TAOK2: variants seen among roughly 807,000 people sequenced by gnomAD.
TAOK2 encodes the protein serine/threonine-protein kinase TAO2.
A neutral mutation model predicts 122.5 loss-of-function variants in TAOK2; 42 were observed. That is an observed-to-expected ratio of 0.34 (90% CI 0.27 to 0.44). TAOK2 has a LOEUF of 0.44. TAOK2 is among the 20% of genes least tolerant of loss of function. TAOK2 has a pLI of 1.00. For missense variants in TAOK2, 1,264 were observed against 1,644.9 expected (o/e 0.77, Z 4.01); for synonymous variants, 704 against 677.6 (o/e 1.04, Z -0.61).
In TAOK2 at chr16:29,979,642, G is replaced by C; in HGVS notation, c.655+134G>C. 3 of 700,018 alleles carry C rather than the reference G, an allele frequency of 4.3e-6. No individual in the cohort carries two copies. In the South Asian group the frequency reaches 7.2e-5, roughly 17 times the overall value. 43.4% of individuals were successfully genotyped at this position (700,018 alleles called of 1,614,324 possible). A position where few individuals can be genotyped will look rare whatever the true frequency, so the allele number is the denominator to read the frequency against. The stretch of plus-strand genomic sequence containing the variant: ...TCCTGTCCGTTGTGACTCTACCCTG[G>C]AGCCCAATACAGGCAGCTGGCAAAT... On this transcript the variant is annotated intron_variant, in intron 8 of 15. Transcript: ENST00000308893. This position sits in a 1 kb window ranked among gnomAD's most constrained non-coding sequence, Gnocchi z 4.1.
At position 29,978,924 on chromosome 16, in the gene TAOK2, C is replaced by T. The variant is rs1299751006; in HGVS notation, c.353-50C>T. On this transcript the variant is annotated intron_variant, in intron 5 of 15. Transcript: ENST00000308893. Reference sequence around the variant, plus strand: ...GGGAAGGGTTAAGGGGAGTTTATTCCAGTCCCACCCTTGCGCTCCCTCGGG... The same window carrying T: ...GGGAAGGGTTAAGGGGAGTTTATTCTAGTCCCACCCTTGCGCTCCCTCGGG... The T allele has an allele frequency of 2.5e-6, 4 of 1,613,358 alleles. No individual in the cohort carries two copies. In the East Asian group the frequency reaches 8.9e-5, roughly 36 times the overall value.
In TAOK2 at chr16:29,983,147, A is replaced by G. The variant is rs1018529386; in HGVS notation, c.1075A>G (p.Ile359Val). 3 of 1,614,110 alleles carry G rather than the reference A, an allele frequency of 1.9e-6. No homozygotes were observed. The highest frequency in any genetic ancestry group is 8.5e-7 in the Non-Finnish European group (1 of 1,179,994). The change falls in exon 12 of 16, where the codon ATC becomes GTC. Residue 359 changes from isoleucine to valine, a missense_variant. Physicochemically the swap from Ile to Val is conservative, Grantham distance 29 (BLOSUM62 3). Coordinates refer to ENST00000308893, the MANE Select transcript of TAOK2 (RefSeq NM_016151.4). The part of the protein sequence containing the change: ...ESSHSVPSMS[I>V]SASSQSSSVN... ...TAGCCACTCAGTGCCCAGCATGTCCATCAGCGCCTCCAGCCAGAGCAGCTC... is the reference window on the plus strand; with the variant it reads ...TAGCCACTCAGTGCCCAGCATGTCCGTCAGCGCCTCCAGCCAGAGCAGCTC...
intron 10 of TAOK2, among the ~76,000 whole-genome samples, chr16:29,982,398 C>T (rs2069645749): frequency 6.6e-6 from 1 of 152,186 alleles, no homozygotes; most frequent in Non-Finnish European, 1.5e-5. Context: ...TAGTTGGACC[C>T]ACTTGTTTTA....
Position 29,985,278 on chromosome 16 carries a change from G to A in TAOK2, c.1488G>A (p.Lys496=), listed in dbSNP as rs1417870696. The change falls in exon 14 of 16, where the codon AAG becomes AAA. Residue 496 remains lysine, a synonymous_variant. Coordinates refer to ENST00000308893, the MANE Select transcript of TAOK2 (RefSeq NM_016151.4). This position sits in a 1 kb window ranked among gnomAD's most constrained non-coding sequence, Gnocchi z 6.9. ...SALREQLSGY[K]RMRRQHQKQL... Reference sequence around the variant, plus strand: ...TGCGGGAGCAGCTGAGCGGCTATAAGCGGATGCGACGACAGCACCAGAAGC... The same window carrying A: ...TGCGGGAGCAGCTGAGCGGCTATAAACGGATGCGACGACAGCACCAGAAGC... 1 of 1,591,968 alleles carries A rather than the reference G, an allele frequency of 6.3e-7. No homozygotes were observed. The highest frequency in any genetic ancestry group is 8.6e-7 in the Non-Finnish European group (1 of 1,167,826).
chr16:29,978,621 G>C (rs902548636), intron 4 of TAOK2, among the ~76,000 whole-genome samples, 178 bp from the exon 5 acceptor site: 2 of 152,080 alleles, frequency 1.3e-5, no homozygotes, highest in African/African-American at 4.8e-5. Context: ...GATGGGCAGT[G>C]GTGAATGTCT....
chr16:29,986,968 C>T lies in TAOK2; in HGVS notation c.2696C>T (p.Pro899Leu), dbSNP rs573977459. 6 of 1,613,666 alleles carry T rather than the reference C, an allele frequency of 3.7e-6. No homozygotes were observed. In the South Asian group the frequency reaches 4.4e-5, roughly 12 times the overall value. Reference sequence around the variant, plus strand: ...CAGGGCCCAGCACTGACTCCCGTCCCTGAGGAGGAGGAAGAAGAGGAAGAG... The same window carrying T: ...CAGGGCCCAGCACTGACTCCCGTCCTTGAGGAGGAGGAAGAAGAGGAAGAG... ...WVQGPALTPVPEEEEEEEEGA... is the reference protein window; with the variant it reads ...WVQGPALTPVLEEEEEEEEGA... Residue 899 changes from proline to leucine, a missense_variant, in exon 16 of 16, where the codon CCT (proline) becomes CTT (leucine). Physicochemically the swap from Pro to Leu is moderately conservative, Grantham distance 98. Around this residue, in one of 4 missense-constraint regions of TAOK2, gnomAD observed 824 missense variants for 908.7 expected, o/e 0.91. Coordinates refer to ENST00000308893, the MANE Select transcript of TAOK2 (RefSeq NM_016151.4). This position sits in a 1 kb window ranked among gnomAD's most constrained non-coding sequence, Gnocchi z 4.2.
chr16:29,990,864 T>C, downstream of TAOK2: 1 of 1,613,552 alleles, frequency 6.2e-7, no homozygotes, highest in Non-Finnish European at 8.5e-7. Context: ...TGCTCAACGC[T>C]TACCAGAGCA....
At chr16:29,989,702 A>T (rs201912253), downstream of TAOK2, 2 of 1,613,994 alleles carry the variant, frequency 1.2e-6, no homozygotes, top group Admixed American at 1.7e-5. Context: ...AAAGCTCAGC[A>T]CAAGAGCCTC....
chr16:29,985,673 C>T lies in TAOK2; in HGVS notation c.1804C>T (p.Pro602Ser). ...ACTCGCCCAGGAGCTCCAGGAGAAC[C>T]CCAGCACTCCCAAGCGGGAGAAGGC... ...EQLKEELQEN[P>S]STPKREKAEW... Residue 602 changes from proline to serine, a missense_variant, in exon 15 of 16, where the codon CCC becomes TCC. Pro to Ser is a moderately conservative substitution (Grantham distance 74). Around this residue, in one of 4 missense-constraint regions of TAOK2, gnomAD observed 824 missense variants for 908.7 expected, o/e 0.91. Coordinates refer to ENST00000308893, the MANE Select transcript of TAOK2 (RefSeq NM_016151.4). The surrounding 1 kb of genome is among the most constrained non-coding windows in gnomAD (Gnocchi z 6.9). 6.2e-7 allele frequency: 1 copy of T among 1,609,088 alleles called. No homozygotes were observed. Among genetic ancestry groups the T allele is most frequent in the South Asian group, 1.1e-5 (1 of 90,454 alleles).
chr16:29,982,283 T>C (rs1053085395), intron 10 of TAOK2, among the ~76,000 whole-genome samples: 2 of 152,196 alleles, frequency 1.3e-5, no homozygotes, highest in African/African-American at 4.8e-5. Context: ...GGTAAATGTA[T>C]GATTTCCCTT....
chr16:29,985,535 C>T lies in TAOK2; in HGVS notation c.1745C>T (p.Ala582Val), dbSNP rs777448049. Residue 582 changes from alanine (A) to valine (V), a missense_variant, in exon 14 of 16, where the codon GCA becomes GTA. This residue lies in a region of TAOK2 where 824 missense variants were observed against 908.7 expected (regional missense o/e 0.91). Coordinates refer to ENST00000308893, the MANE Select transcript of TAOK2 (RefSeq NM_016151.4). This position sits in a 1 kb window ranked among gnomAD's most constrained non-coding sequence, Gnocchi z 6.9. ...QKKELAALLE[A>V]QKRTYKLRKE... The stretch of plus-strand genomic sequence containing the variant: ...AAGGAGCTGGCTGCCCTGCTGGAGG[C>T]ACAGAAGCGGACCTACAAACTTCGC... 2 of 1,606,988 alleles carry T rather than the reference C, an allele frequency of 1.2e-6. No homozygotes were observed. Among genetic ancestry groups the T allele is most frequent in the East Asian group, 2.2e-5 (1 of 44,790 alleles).
chr16:29,989,394 T>G, downstream of TAOK2: 3 of 985,250 alleles, frequency 3.0e-6, no homozygotes, highest in Non-Finnish European at 2.4e-6. Context: ...CATGTCTGTC[T>G]GTCTGTATAC....
At chr16:29,983,799 T>C in intron 13 of TAOK2, 135 bp downstream of exon 13, 2 of 1,342,056 alleles carry the variant, frequency 1.5e-6, no homozygotes, top group Non-Finnish European at 2.0e-6. Context: ...GGCTCCTGCC[T>C]GCTCCCCTTA....
intron 1 of TAOK2, among the ~76,000 whole-genome samples, chr16:29,976,211 T>G (rs1256699246): frequency 6.6e-6 from 1 of 152,126 alleles, no homozygotes. Context: ...AGCACCTGCC[T>G]TTGTGTGTGG....
Position 29,978,782 on chromosome 16 carries a change from C to T in TAOK2, c.307-17C>T. 4 of 1,614,000 alleles carry T rather than the reference C, an allele frequency of 2.5e-6. No homozygotes were observed. Among genetic ancestry groups the T allele is most frequent in the Non-Finnish European group, 3.4e-6 (4 of 1,179,970 alleles). ...TGCCCAGGAGACTCTGATCTCTGAC[C>T]CTTGTCTCTTCCTTAGCTGGTAATG... is the stretch of plus-strand genomic sequence containing the variant. On this transcript the variant is annotated splice_polypyrimidine_tract_variant and intron_variant, in intron 4 of 15. Coordinates refer to ENST00000308893, the MANE Select transcript of TAOK2 (RefSeq NM_016151.4).
rs939886346 is a variant in TAOK2, at chr16:29,978,173, C to T, written c.204+13C>T. ...GCAGTCCAATGAGGTGGGCCAGGTG[C>T]AATACAGCCAGGTTGGGGACAGGGG... is the stretch of plus-strand genomic sequence containing the variant. On this transcript the variant is annotated intron_variant, in intron 3 of 15. Transcript: ENST00000308893. The T allele has an allele frequency of 1.2e-6, 2 of 1,614,076 alleles. No homozygotes were observed. Among genetic ancestry groups the T allele is most frequent in the Admixed American group, 1.7e-5 (1 of 60,014 alleles).
chr16:29,975,799 G>A (rs1297018721), intron 1 of TAOK2, among the ~76,000 whole-genome samples: 1 of 152,180 alleles, frequency 6.6e-6, no homozygotes, highest in African/African-American at 2.4e-5. Flanking sequence ...AAATCCATAT[G>A]CTGAGTGTCT....
chr16:29,985,908 A>G lies in TAOK2; in HGVS notation c.1992+47A>G. The G allele has an allele frequency of 6.3e-7, 1 of 1,577,656 alleles. No individual in the cohort carries two copies. Reference sequence around the variant, plus strand: ...CCCCTCCCGCTCACTCGTGGATCCCAGGGACCCACCCTTTTCCATTTTCCT... The same window carrying G: ...CCCCTCCCGCTCACTCGTGGATCCCGGGGACCCACCCTTTTCCATTTTCCT... On this transcript the variant is annotated intron_variant, in intron 15 of 15. Transcript: ENST00000308893. This position sits in a 1 kb window ranked among gnomAD's most constrained non-coding sequence, Gnocchi z 6.9.
At position 29,977,810 on chromosome 16, in the gene TAOK2, C is replaced by T. The variant is rs1432429783; in HGVS notation, c.38C>T (p.Pro13Leu). 8.1e-6 allele frequency: 13 copies of T among 1,614,072 alleles called. No individual in the cohort carries two copies. Among genetic ancestry groups the T allele is most frequent in the Non-Finnish European group, 1.0e-5 (12 of 1,180,020 alleles). ...GGCCGGGCCGGGAGCCTGAAGGACCCAGATGTGGCTGAGCTCTTCTTCAAG... is the reference window on the plus strand; with the variant it reads ...GGCCGGGCCGGGAGCCTGAAGGACCTAGATGTGGCTGAGCTCTTCTTCAAG... ...AGGRAGSLKD[P>L]DVAELFFKDD... is the part of the protein sequence containing the mutation. The change falls in exon 2 of 16, where the codon CCA becomes CTA. Residue 13 changes from proline to leucine, a missense_variant. Pro to Leu is a moderately conservative substitution (Grantham distance 98). Transcript: ENST00000308893.
Sources: gnomAD v4.1 joint callset for allele counts (sites outside exome capture counted in the v4.1 genomes callset) on GRCh38, gnomAD v4.1.1 for gene constraint, gnomAD v4.1.1 regional missense constraint, Gnocchi (gnomAD v3.1) non-coding constraint, MANE v1.5 for transcripts, NCBI Gene and HGNC (gene_info 2026-07-23, HGNC 2026-07-21) for gene names.